Variants in ODR4 observed in about 807,000 individuals in gnomAD.
ODR4 encodes odr-4 GPCR localization factor homolog.
A neutral mutation model predicts 60.2 loss-of-function variants in ODR4; 47 were observed. The observed-to-expected ratio is 0.78, with a 90% CI of 0.62 to 1.00. ODR4 has a LOEUF of 1.00. Among genes scored for constraint, ODR4 ranks in the 50% least tolerant of loss-of-function variants. The probability of loss-of-function intolerance (pLI) is 0.00; values close to 1 mark genes in which losing one functional copy is unlikely to be tolerated. For missense variants in ODR4, 488 were observed against 530.8 expected (o/e 0.92, Z 0.79); for synonymous variants, 178 against 175.5 (o/e 1.01, Z -0.11).
intron 1 of ODR4, among the ~76,000 whole-genome samples, chr1:186,378,686 C>T (rs974740724): frequency 1.4e-4 from 22 of 152,152 alleles, no homozygotes; most frequent in African/African-American, 5.3e-4. Context: ...TAAGTCCCTC[C>T]TTTGCCACTT....
chr1:186,405,100 G>A (rs971294367), intron 11 of ODR4, among the ~76,000 whole-genome samples: 1 of 151,972 alleles, frequency 6.6e-6, no homozygotes, highest in African/African-American at 2.4e-5. Context: ...ATGATTTAAG[G>A]CTTTTTACAA....
chr1:186,386,477 C>G (rs1417713923), intron 4 of ODR4, among the ~76,000 whole-genome samples: 1 of 151,912 alleles, frequency 6.6e-6, no homozygotes, highest in Non-Finnish European at 1.5e-5. Flanking sequence ...GTAAATTATG[C>G]AAACAAATAA....
chr1:186,394,109 T>A (rs1466691216), intron 9 of ODR4, 94 bp downstream of exon 9: 1 of 765,738 alleles, frequency 1.3e-6, no homozygotes, highest in African/African-American at 1.8e-5. Context: ...AATAAAAGGA[T>A]TTTAGAGCTG....
intron 5 of ODR4, among the ~76,000 whole-genome samples, chr1:186,388,983 A>G (rs1660355753): frequency 6.6e-6 from 1 of 152,204 alleles, no homozygotes; most frequent in Non-Finnish European, 1.5e-5. Flanking sequence ...AGAAATTCTT[A>G]TGTCTTTGGC....
intron 9 of ODR4, among the ~76,000 whole-genome samples, chr1:186,395,045 AT>A (rs550814764): frequency 3.0e-4 from 46 of 152,332 alleles, no homozygotes; most frequent in African/African-American, 1.1e-3. Context: ...GTGTGGGAAT[AT>A]AGAGAGATGA....
intron 12 of ODR4, among the ~76,000 whole-genome samples, chr1:186,407,893 C>T (rs1462452645): frequency 5.3e-5 from 8 of 152,078 alleles, no homozygotes; most frequent in Non-Finnish European, 1.2e-4. Flanking sequence ...ATCCACAAAC[C>T]ACTTGAAAGT....
chr1:186,425,279 A>G (rs1661864772), downstream of ODR4, among the ~76,000 whole-genome samples: 3 of 152,138 alleles, frequency 2.0e-5, no homozygotes, highest in South Asian at 4.1e-4. Flanking sequence ...TCTTTCCCAT[A>G]TTCACCCAGC....
chr1:186,431,263 T>C, the ODR4 span, among the ~76,000 whole-genome samples: 92 of 152,218 alleles, frequency 6.0e-4, 4 homozygotes, highest in African/African-American at 2.0e-3. Flanking sequence ...AAAATAAAGA[T>C]TTGTAAGAAG....
Position 186,399,025 on chromosome 1 carries a change from T to A in ODR4, c.981T>A (p.Asn327Lys). The A allele has an allele frequency of 6.2e-7, 1 of 1,611,608 alleles. No homozygotes were observed. Among genetic ancestry groups the A allele is most frequent in the Non-Finnish European group, 8.5e-7 (1 of 1,178,630 alleles). The change falls in exon 11 of 14, where the codon AAT becomes AAA. Residue 327 changes from asparagine to lysine, a missense_variant. Transcript: ENST00000287859. ...CEMLFEDLLL[N>K]EIPEKKDSEK... ...TGCTATTTGAGGATCTGCTTTTGAA[T>A]GAAATTCCAGAAAAAAAAGTTATGA...
intron 6 of ODR4, among the ~76,000 whole-genome samples, chr1:186,389,932 T>C (rs148199841): frequency 1.3e-5 from 2 of 152,278 alleles, no homozygotes; most frequent in Non-Finnish European, 2.9e-5. Flanking sequence ...AGACTATAGA[T>C]GTGCACCACT....
intron 13 of ODR4, 122 bp from the exon 14 acceptor site, chr1:186,418,887 A>G: frequency 2.7e-6 from 2 of 751,966 alleles, no homozygotes; most frequent in Non-Finnish European, 4.6e-6. Flanking sequence ...TCTATGTATG[A>G]TTGTGTGTTT....
In ODR4 at chr1:186,410,754, G is replaced by A. The variant is rs567193611; in HGVS notation, c.1186+4486G>A. On this transcript the variant is annotated intron_variant, in intron 12 of 13. Transcript: ENST00000287859. ...TAGTGGGCTGGGTGCGGTGGCTCACGCCTGTAGTCCCAGCACTTTGGGAGG... is the reference window on the plus strand; with the variant it reads ...TAGTGGGCTGGGTGCGGTGGCTCACACCTGTAGTCCCAGCACTTTGGGAGG... Among the ~76,000 whole-genome samples, 13 of 152,258 alleles carry A rather than the reference G, an allele frequency of 8.5e-5. No individual in the cohort carries two copies. The East Asian group carries it at 9.7e-4, about 11-fold the overall frequency.
At chr1:186,434,611 C>T in the ODR4 span, among the ~76,000 whole-genome samples, 1 of 152,058 alleles carries the variant, frequency 6.6e-6, no homozygotes, top group South Asian at 2.1e-4. Flanking sequence ...TCTGGAAATG[C>T]TTGAAGAAGG....
rs60229243 is a variant in ODR4 at position 186,383,678 on chromosome 1, G to GATATATATATATAT, written c.234+529_234+542dup. On this transcript the variant is annotated intron_variant, in intron 3 of 13. Coordinates refer to ENST00000287859, the MANE Select transcript of ODR4 (RefSeq NM_017847.6). ...ACTCAAACGTGTTTCTGTGTATGTA[G>GATATATATATATAT]ATATATATATATATATATATGGACA... is the stretch of plus-strand genomic sequence containing the variant. Among the ~76,000 whole-genome samples the GATATATATATATAT allele has an allele frequency of 2.0e-3, 276 of 140,728 alleles. 4 individuals carry two copies. The highest frequency in any genetic ancestry group is 2.7e-3 in the Admixed American group (38 of 14,242). 92.3% of individuals were successfully genotyped at this position (140,728 alleles called of 152,430 possible). A position where few individuals can be genotyped will look rare whatever the true frequency, so the allele number is the denominator to read the frequency against.
chr1:186,392,455 A>T (rs1420778433), intron 8 of ODR4, among the ~76,000 whole-genome samples: 1 of 152,264 alleles, frequency 6.6e-6, no homozygotes, highest in Non-Finnish European at 1.5e-5. Flanking sequence ...CTGTGCAGCC[A>T]TTAAAACAGA....
chr1:186,434,595 T>C, the ODR4 span, among the ~76,000 whole-genome samples: 1 of 152,156 alleles, frequency 6.6e-6, no homozygotes, highest in South Asian at 2.1e-4. Context: ...TTAAAAATCC[T>C]CATTCTCTGG....
chr1:186,417,600 C>G lies in ODR4; in HGVS notation c.1243C>G (p.Gln415Glu). 6.2e-7 allele frequency: 1 copy of G among 1,602,926 alleles called. No homozygotes were observed. Among genetic ancestry groups the G allele is most frequent in the Non-Finnish European group, 8.5e-7 (1 of 1,173,726 alleles). ...QASLDNTDDEQPKQPIKTTML... is the reference protein window; with the variant it reads ...QASLDNTDDEEPKQPIKTTML... ...TTCATTGGACAACACAGATGATGAA[C>G]AACCAAAACAACCAATTAAAACTAC... Residue 415 changes from glutamine to glutamate, a missense_variant, in exon 13 of 14, where the codon CAA becomes GAA. Transcript: ENST00000287859.
At chr1:186,421,728 A>T (rs1416376062), downstream of ODR4, among the ~76,000 whole-genome samples, 1 of 151,956 alleles carries the variant, frequency 6.6e-6, no homozygotes, top group African/African-American at 2.4e-5. Context: ...GCTGCGTGTG[A>T]TGGCATGCGC....
In ODR4 at chr1:186,417,027, A is replaced by G. The variant is rs560309530; in HGVS notation, c.1187-517A>G. On this transcript the variant is annotated intron_variant, in intron 12 of 13. Coordinates refer to ENST00000287859, the MANE Select transcript of ODR4 (RefSeq NM_017847.6). The stretch of plus-strand genomic sequence containing the variant: ...ACCCAGGCTGGAGTGCAGTGGTGCA[A>G]TCTCGGCTCACTGTAACCTCCGTCT... Among the ~76,000 whole-genome samples the G allele has an allele frequency of 7.9e-5, 12 of 151,982 alleles. No homozygotes were observed. In the South Asian group the frequency reaches 2.1e-3, roughly 26 times the overall value.
Sources: allele counts gnomAD v4.1 joint callset (sites outside exome capture counted in the v4.1 genomes callset), GRCh38; gene constraint gnomAD v4.1.1; transcripts MANE v1.5; gene names NCBI Gene and HGNC (gene_info 2026-07-23, HGNC 2026-07-21).